Variants in ZNF565 observed in about 807,000 individuals in gnomAD.
ZNF565 encodes zinc finger protein 565.
ZNF565 carries 27 observed loss-of-function variants against 39.4 expected under a neutral mutation model. The ratio of observed to expected loss-of-function variants is 0.69; its 90% CI spans 0.51 to 0.95. The LOEUF (loss-of-function observed/expected upper bound fraction) is 0.95. ZNF565 is among the 40% of genes least tolerant of loss of function. The pLI is 0.00. For synonymous variants in ZNF565, 185 were observed against 216.6 expected, an observed-to-expected ratio of 0.85 and a Z score of 1.28; for missense variants, 524 against 621.1, an observed-to-expected ratio of 0.84 and a Z score of 1.66.
At chr19:36,237,936 C>A (rs964611613) in intron 1 of ZNF565, 5 of 166,928 alleles carry the variant, frequency 3.0e-5, no homozygotes, top group African/African-American at 1.2e-4. Context: ...AAGCTATGTA[C>A]TAAAATGCAT....
intron 1 of ZNF565, among the ~76,000 whole-genome samples, chr19:36,234,643 C>T (rs1977567166): frequency 6.6e-6 from 1 of 152,162 alleles, no homozygotes; most frequent in Admixed American, 6.5e-5. Flanking sequence ...GTGATCCGCC[C>T]ACCTCGGCCT....
At chr19:36,233,883 T>G (rs1977514890) in intron 1 of ZNF565, among the ~76,000 whole-genome samples, 1 of 152,008 alleles carries the variant, frequency 6.6e-6, no homozygotes, top group South Asian at 2.1e-4. Context: ...GTCTTCCTTT[T>G]TTACTAATCC....
At chr19:36,230,374 T>C (rs187720221) in intron 1 of ZNF565, among the ~76,000 whole-genome samples, 3 of 152,300 alleles carry the variant, frequency 2.0e-5, no homozygotes, top group Admixed American at 1.3e-4. Context: ...GACGGTGTTA[T>C]AATGGGGAGA....
At chr19:36,242,596 G>C (rs550304275) in intron 1 of ZNF565, among the ~76,000 whole-genome samples, 1 of 151,546 alleles carries the variant, frequency 6.6e-6, no homozygotes, top group African/African-American at 2.4e-5. Context: ...ATGGTGGCAC[G>C]TGCCTCTCAT....
intron 1 of ZNF565, among the ~76,000 whole-genome samples, chr19:36,233,759 G>A (rs982575368): frequency 3.3e-5 from 5 of 152,052 alleles, no homozygotes; most frequent in Admixed American, 6.5e-5. Flanking sequence ...GCCCTAAGGC[G>A]GTTTTCCCCT....
chr19:36,214,797 C>T (rs1458332982), upstream of ZNF565: 1 of 152,654 alleles, frequency 6.6e-6, no homozygotes, highest in Non-Finnish European at 1.5e-5. Context: ...CTCGTTTTGA[C>T]ATTTTTGCGC....
At chr19:36,192,409 C>T (rs1045383809) in intron 4 of ZNF565, among the ~76,000 whole-genome samples, 2 of 151,952 alleles carry the variant, frequency 1.3e-5, no homozygotes, top group Non-Finnish European at 1.5e-5. Flanking sequence ...ATTAGACAAA[C>T]GTAAAGTGAG....
chr19:36,185,846 AC>A (rs1478622722), intron 4 of ZNF565, among the ~76,000 whole-genome samples: 3 of 142,954 alleles, frequency 2.1e-5, no homozygotes, highest in Non-Finnish European at 3.0e-5. Context: ...GGTGCCTGCC[AC>A]CATGCCTGGG....
intron 1 of ZNF565, chr19:36,236,573 G>C: frequency 1.2e-6 from 2 of 1,614,162 alleles, no homozygotes; most frequent in Non-Finnish European, 1.7e-6. Context: ...GAAACCTTTT[G>C]AATGTAACGA....
intron 1 of ZNF565, among the ~76,000 whole-genome samples, chr19:36,225,517 T>TC (rs1019442800): frequency 4.6e-5 from 7 of 152,070 alleles, no homozygotes; most frequent in Admixed American, 3.3e-4. Context: ...CTTTTTTTTT[T>TC]CTGGCTCACT....
chr19:36,188,348 CA>C (rs1359057061), intron 4 of ZNF565, among the ~76,000 whole-genome samples: 1 of 149,624 alleles, frequency 6.7e-6, no homozygotes, highest in African/African-American at 2.5e-5. Context: ...AAGTGAGACT[CA>C]AGGGCTTCAA....
At chr19:36,216,000 C>A (rs974156642), upstream of ZNF565, among the ~76,000 whole-genome samples, 5 of 152,142 alleles carry the variant, frequency 3.3e-5, no homozygotes, top group Non-Finnish European at 7.4e-5. Context: ...ATGGAGAATG[C>A]TACTGACGTC....
At chr19:36,211,506 A>C (rs1976358627) in intron 1 of ZNF565, among the ~76,000 whole-genome samples, 1 of 147,368 alleles carries the variant, frequency 6.8e-6, no homozygotes, top group Non-Finnish European at 1.5e-5. Context: ...TAATAAACAT[A>C]GAAGTGGCCG....
rs117148172 is a variant in ZNF565, at chr19:36,186,245, C to T, written c.233-2512G>A. 9.7e-3 allele frequency among the ~76,000 whole-genome samples: 1,470 copies of T among 152,248 alleles called. 20 individuals carry two copies. Among genetic ancestry groups the T allele is most frequent in the Middle Eastern group, 0.02 (6 of 294 alleles). On this transcript the variant is annotated intron_variant, in intron 4 of 4. Coordinates refer to ENST00000304116, the MANE Select transcript of ZNF565 (RefSeq NM_152477.5). ...AACTCCTGACGTCACGTGATCCAGC[C>T]GCCTTGGCTTCTAAAAGTATTGGGA...
chr19:36,186,295 G>A (rs891111847), intron 4 of ZNF565, among the ~76,000 whole-genome samples: 10 of 152,206 alleles, frequency 6.6e-5, no homozygotes, highest in East Asian at 1.9e-4. Flanking sequence ...CACCATGCCC[G>A]GCAAAAACTC....
chr19:36,242,795 G>A lies in ZNF565; in HGVS notation c.55+2681C>T, dbSNP rs954337322. Among the ~76,000 whole-genome samples the A allele has an allele frequency of 3.9e-5, 6 of 152,294 alleles. No homozygotes were observed. The South Asian group carries it at 1.0e-3, about 26-fold the overall frequency. On this transcript the variant is annotated intron_variant, in intron 1 of 4. Coordinates refer to the ZNF565 transcript ENST00000355114. ...TCATTTTTTCCAAAAAAGATATACA[G>A]GTGTCCAGCAAGCACATGAAAAGAT...
At chr19:36,224,842 T>A (rs1333407334) in intron 1 of ZNF565, among the ~76,000 whole-genome samples, 1 of 152,190 alleles carries the variant, frequency 6.6e-6, no homozygotes, top group Non-Finnish European at 1.5e-5. Flanking sequence ...TGTTTTAAAA[T>A]TTTTTTCATA....
chr19:36,232,609 C>CT (rs548903056), intron 1 of ZNF565, among the ~76,000 whole-genome samples: 47,826 of 140,014 alleles, frequency 0.34, 8,571 homozygotes, highest in South Asian at 0.48. Context: ...TTTCTTTTTT[C>CT]TTTTTTTTTT....
At chr19:36,221,757 GTTTA>G (rs1212301952) in intron 1 of ZNF565, among the ~76,000 whole-genome samples, 2 of 150,624 alleles carry the variant, frequency 1.3e-5, no homozygotes, top group Non-Finnish European at 3.0e-5. Flanking sequence ...TTTGCTTCTT[GTTTA>G]TCCTTCAAGT....
Sources: allele counts gnomAD v4.1 joint callset (sites outside exome capture counted in the v4.1 genomes callset), GRCh38; gene constraint gnomAD v4.1.1; transcripts MANE v1.5; gene names NCBI Gene and HGNC (gene_info 2026-07-23, HGNC 2026-07-21).